The following CCDC60 variants were observed in gnomAD, a reference collection of about 807,000 sequenced individuals.
CCDC60 encodes the protein coiled-coil domain-containing protein 60.
CCDC60 carries 54 observed loss-of-function variants against 63.5 expected under a neutral mutation model. That is an observed-to-expected ratio of 0.85 (90% confidence interval 0.68 to 1.07). The LOEUF is 1.07. Among genes scored for constraint, CCDC60 ranks in the 50% least tolerant of loss-of-function variants. The pLI is 0.00. For missense variants in CCDC60, 651 were observed against 684.3 expected (o/e 0.95, Z 0.54); for synonymous variants, 206 against 238.8 (o/e 0.86, Z 1.27).
chr12:119,465,385 C>T (rs1360259033), intron 2 of CCDC60, among the ~76,000 whole-genome samples: 1 of 152,116 alleles, frequency 6.6e-6, no homozygotes, highest in Non-Finnish European at 1.5e-5. Flanking sequence ...CCAGGTATCC[C>T]ACCTTTTTTT....
intron 1 of CCDC60, among the ~76,000 whole-genome samples, chr12:119,345,491 G>A (rs551066591): frequency 2.3e-4 from 32 of 138,050 alleles, no homozygotes; most frequent in African/African-American, 7.7e-4. Flanking sequence ...GACAGAGTGA[G>A]ACTCCATCTC....
intron 1 of CCDC60, among the ~76,000 whole-genome samples, chr12:119,417,141 T>C (rs1287097396): frequency 1.3e-5 from 2 of 151,738 alleles, no homozygotes; most frequent in Admixed American, 6.6e-5. Flanking sequence ...AAAAAGAACA[T>C]TCCCACCCCT....
chr12:119,452,917 G>A (rs918190999), intron 2 of CCDC60, among the ~76,000 whole-genome samples: 1 of 152,088 alleles, frequency 6.6e-6, no homozygotes, highest in African/African-American at 2.4e-5. Context: ...CCACCTCCCT[G>A]GTTCAAGCAA....
intron 3 of CCDC60, among the ~76,000 whole-genome samples, chr12:119,472,578 T>A (rs1951086920): frequency 8.0e-5 from 2 of 25,024 alleles, no homozygotes; most frequent in Admixed American, 8.0e-4. Flanking sequence ...AATGCCTCCT[T>A]TTTTTTTTTT....
chr12:119,491,477 C>T (rs1052499424), intron 5 of CCDC60, among the ~76,000 whole-genome samples: 17 of 152,006 alleles, frequency 1.1e-4, no homozygotes, highest in Non-Finnish European at 1.5e-4. Flanking sequence ...TACAGGTGCC[C>T]GCCACCACGC....
At chr12:119,422,936 CAACAT>C (rs774442822) in intron 1 of CCDC60, among the ~76,000 whole-genome samples, 3 of 152,070 alleles carry the variant, frequency 2.0e-5, no homozygotes, top group Non-Finnish European at 2.9e-5. Context: ...TGCACCAACA[CAACAT>C]AACACAATGT....
At chr12:119,509,236 T>TTG (rs1197871919) in intron 7 of CCDC60, among the ~76,000 whole-genome samples, 1 of 152,202 alleles carries the variant, frequency 6.6e-6, no homozygotes, top group Non-Finnish European at 1.5e-5. Flanking sequence ...ACACAAAAAT[T>TTG]TGTGTTTTTT....
intron 2 of CCDC60, among the ~76,000 whole-genome samples, chr12:119,461,890 A>T (rs542464976): frequency 6.6e-6 from 1 of 152,296 alleles, no homozygotes; most frequent in African/African-American, 2.4e-5. Flanking sequence ...AATTTGCTAA[A>T]ATATTAAGCG....
intron 1 of CCDC60, among the ~76,000 whole-genome samples, chr12:119,360,187 G>A (rs1244262750): frequency 3.4e-5 from 5 of 146,600 alleles, no homozygotes; most frequent in Admixed American, 6.7e-5. Context: ...CCTCCCTCCC[G>A]GACAGGGCGG....
At chr12:119,400,839 CGG>C (rs1431310674) in intron 1 of CCDC60, among the ~76,000 whole-genome samples, 1 of 137,738 alleles carries the variant, frequency 7.3e-6, no homozygotes, top group African/African-American at 2.6e-5. Flanking sequence ...ATGGCCATCC[CGG>C]AGAGCCCATT....
rs371496053 is a variant in CCDC60 at position 119,437,685 on chromosome 12, C to T, written c.170+8923C>T. 3.9e-5 allele frequency among the ~76,000 whole-genome samples: 6 copies of T among 152,178 alleles called. No homozygotes were observed. In the East Asian group the frequency reaches 7.7e-4, roughly 20 times the overall value. On this transcript the variant is annotated intron_variant, in intron 2 of 13. Transcript: ENST00000327554. ...ATCTCATCGTTCAACACTCAGGATG[C>T]GCACATCCATAGCCAGTAGCCCAGA...
At chr12:119,459,055 A>G (rs1950805288) in intron 2 of CCDC60, among the ~76,000 whole-genome samples, 1 of 152,218 alleles carries the variant, frequency 6.6e-6, no homozygotes, top group African/African-American at 2.4e-5. Flanking sequence ...CACCCGGCCA[A>G]GAGATTCTTA....
In CCDC60 at chr12:119,335,010, CTT is replaced by C; in HGVS notation, c.-165_-164del. On this transcript the variant is annotated 5_prime_UTR_variant, in exon 1 of 14. Coordinates refer to ENST00000327554, the MANE Select transcript of CCDC60 (RefSeq NM_178499.5). ...ATCCCGTCTGTGGGAGACCCAGGTG[CTT>C]TCTCATTACTCTTCAGAAGGAAACC... The C allele has an allele frequency of 1.8e-6, 1 of 550,716 alleles. No individual in the cohort carries two copies. Among genetic ancestry groups the C allele is most frequent in the Non-Finnish European group, 3.2e-6 (1 of 311,016 alleles). 34.1% of individuals were successfully genotyped at this position (550,716 alleles called of 1,614,324 possible).
At chr12:119,400,440 G>A (rs901861635) in intron 1 of CCDC60, among the ~76,000 whole-genome samples, 6 of 152,300 alleles carry the variant, frequency 3.9e-5, no homozygotes, top group Admixed American at 6.5e-5. Context: ...TTTCAATATC[G>A]CTAAAAAGGG....
At chr12:119,383,938 T>G (rs934197436) in intron 1 of CCDC60, among the ~76,000 whole-genome samples, 1 of 152,176 alleles carries the variant, frequency 6.6e-6, no homozygotes, top group Admixed American at 6.5e-5. Context: ...GGCTCACGCC[T>G]GTAATCCCAG....
chr12:119,488,478 AT>A (rs1373017359), intron 4 of CCDC60, among the ~76,000 whole-genome samples: 1 of 152,096 alleles, frequency 6.6e-6, no homozygotes, highest in African/African-American at 2.4e-5. Flanking sequence ...GGATAATCTC[AT>A]TTCAAATGGG....
chr12:119,376,370 G>A (rs1353854985), intron 1 of CCDC60, among the ~76,000 whole-genome samples: 4 of 152,210 alleles, frequency 2.6e-5, no homozygotes, highest in African/African-American at 7.2e-5. Flanking sequence ...GCTCATGCCT[G>A]TAATCGCAGC....
chr12:119,420,844 T>C lies in CCDC60; in HGVS notation c.91-7839T>C, dbSNP rs968590755. Among the ~76,000 whole-genome samples, 1 of 152,174 alleles carries C rather than the reference T, an allele frequency of 6.6e-6. No homozygotes were observed. The highest frequency in any genetic ancestry group is 1.5e-5 in the Non-Finnish European group (1 of 68,040). Reference sequence around the variant, plus strand: ...ATTCCGTAAATATATGCACTTATTATGTACCCACAAAAATAAAAAATAAAA... The same window carrying C: ...ATTCCGTAAATATATGCACTTATTACGTACCCACAAAAATAAAAAATAAAA... On this transcript the variant is annotated intron_variant, in intron 1 of 13. Transcript: ENST00000327554. This position sits in a 1 kb window ranked among gnomAD's most constrained non-coding sequence, Gnocchi z 4.1.
intron 4 of CCDC60, 146 bp downstream of exon 4, chr12:119,479,347 G>T: frequency 1.7e-6 from 1 of 605,938 alleles, no homozygotes; most frequent in East Asian, 2.8e-5. Flanking sequence ...AAGCTATTTG[G>T]CATATAAAAA....
Sources: allele counts gnomAD v4.1 joint callset (sites outside exome capture counted in the v4.1 genomes callset), GRCh38; gene constraint gnomAD v4.1.1; non-coding constraint Gnocchi (gnomAD v3.1); transcripts MANE v1.5; gene names NCBI Gene and HGNC (gene_info 2026-07-23, HGNC 2026-07-21).